The following FAM222A variants were observed in gnomAD, a reference collection of about 807,000 sequenced individuals.
The protein encoded by FAM222A is family with sequence similarity 222 member A.
In FAM222A, 7 loss-of-function variants were observed where a neutral mutation model predicts 25.8. That is an observed-to-expected ratio of 0.27 (90% CI 0.15 to 0.51). The LOEUF (loss-of-function observed/expected upper bound fraction) is 0.51. FAM222A is among the 20% of genes least tolerant of loss of function. The pLI, the probability that FAM222A is intolerant of heterozygous loss-of-function variation, is 0.97. For synonymous variants in FAM222A, 294 were observed against 298.8 expected, an observed-to-expected ratio of 0.98 and a Z score of 0.17; for missense variants, 573 against 640.5, an observed-to-expected ratio of 0.89 and a Z score of 1.14.
At chr12:109,763,474 A>G (rs902107766) in intron 2 of FAM222A, among the ~76,000 whole-genome samples, 2 of 152,146 alleles carry the variant, frequency 1.3e-5, no homozygotes, top group Admixed American at 1.3e-4. Context: ...CCAGGGCTGC[A>G]CTCTCATCCA....
At chr12:109,730,013 G>A (rs1887916365) in intron 1 of FAM222A, among the ~76,000 whole-genome samples, 1 of 152,180 alleles carries the variant, frequency 6.6e-6, no homozygotes, top group Non-Finnish European at 1.5e-5. Context: ...TCCCTGCCAT[G>A]ACCACCGCGC....
chr12:109,743,878 C>T, intron 1 of FAM222A: 1 of 985,442 alleles, frequency 1.0e-6, no homozygotes, highest in Non-Finnish European at 1.2e-6. Context: ...TCAGTCCAGC[C>T]CCCACTCAAG....
intron 2 of FAM222A, among the ~76,000 whole-genome samples, chr12:109,759,846 G>A (rs952619327): frequency 2.0e-5 from 3 of 152,214 alleles, no homozygotes; most frequent in East Asian, 1.9e-4. Flanking sequence ...AAGCACCTTC[G>A]GTGGTGGCAG....
intron 1 of FAM222A, among the ~76,000 whole-genome samples, chr12:109,724,606 C>A (rs989978141): frequency 1.3e-5 from 2 of 152,220 alleles, no homozygotes; most frequent in Admixed American, 1.3e-4. Flanking sequence ...TCACCTGAAG[C>A]AACCTGCCAG....
intron 2 of FAM222A, among the ~76,000 whole-genome samples, chr12:109,764,553 A>T (rs1028114282): frequency 1.3e-5 from 2 of 152,254 alleles, no homozygotes; most frequent in East Asian, 3.8e-4. Context: ...TGGTGAGGAC[A>T]AATGAGTTTT....
intron 1 of FAM222A, among the ~76,000 whole-genome samples, chr12:109,730,897 C>T (rs1044782732): frequency 2.0e-5 from 3 of 152,154 alleles, no homozygotes; most frequent in Non-Finnish European, 2.9e-5. Context: ...ATTGCTTCAC[C>T]CCTGAGCCCA....
chr12:109,758,987 C>T (rs866187075), intron 2 of FAM222A, among the ~76,000 whole-genome samples: 14 of 152,250 alleles, frequency 9.2e-5, no homozygotes, highest in South Asian at 2.1e-4. Flanking sequence ...CTTTCACTCT[C>T]CCCTCTCCTA....
chr12:109,743,484 A>G (rs964267675), intron 1 of FAM222A, among the ~76,000 whole-genome samples: 6 of 152,144 alleles, frequency 3.9e-5, no homozygotes, highest in Admixed American at 3.9e-4. Context: ...GGGTCAGGGC[A>G]GCCTTGATGG....
chr12:109,767,930 G>T, intron 2 of FAM222A, 82 bp from the exon 3 acceptor site: 2 of 1,337,456 alleles, frequency 1.5e-6, no homozygotes, highest in Non-Finnish European at 2.1e-6. Context: ...GAAATGAGTG[G>T]AGGGGGCGGG....
At chr12:109,718,682 G>A (rs567939306) in intron 1 of FAM222A, among the ~76,000 whole-genome samples, 1 of 152,372 alleles carries the variant, frequency 6.6e-6, no homozygotes, top group East Asian at 1.9e-4. Flanking sequence ...GAGGGCTGCG[G>A]TGCCGGCCGG....
chr12:109,754,589 A>T (rs951085543), intron 2 of FAM222A, among the ~76,000 whole-genome samples: 1 of 152,190 alleles, frequency 6.6e-6, no homozygotes, highest in African/African-American at 2.4e-5. Flanking sequence ...GAATGGGTGT[A>T]GCTGTGTTCC....
chr12:109,744,501 C>A, intron 2 of FAM222A: 1 of 985,430 alleles, frequency 1.0e-6, no homozygotes, highest in African/African-American at 1.7e-5. Flanking sequence ...CATGCCCCAA[C>A]CCCGCCTCTG....
Position 109,762,372 on chromosome 12 carries a change from G to A in FAM222A, c.83-5640G>A, listed in dbSNP as rs1888922366. On this transcript the variant is annotated intron_variant, in intron 2 of 2. Coordinates refer to ENST00000538780, the MANE Select transcript of FAM222A (RefSeq NM_032829.3). ...CAGAACGCAGTGGCCAGGTTCCAAGGATGGAGGTCCCAAGAGAACATATTC... is the reference window on the plus strand; with the variant it reads ...CAGAACGCAGTGGCCAGGTTCCAAGAATGGAGGTCCCAAGAGAACATATTC... Among the ~76,000 whole-genome samples, 4 of 152,320 alleles carry A rather than the reference G, an allele frequency of 2.6e-5. No homozygotes were observed. In the South Asian group the frequency reaches 8.3e-4, roughly 32 times the overall value.
chr12:109,719,965 C>A, intron 1 of FAM222A: 1 of 411,840 alleles, frequency 2.4e-6, no homozygotes, highest in Non-Finnish European at 3.3e-6. Flanking sequence ...TGGCTGTGTC[C>A]TCAGAGAAAT....
chr12:109,755,189 C>T (rs2136366736), intron 2 of FAM222A, among the ~76,000 whole-genome samples: 1 of 149,884 alleles, frequency 6.7e-6, no homozygotes, highest in African/African-American at 2.5e-5. Flanking sequence ...GTGTTTTTGT[C>T]TAAGAAGGCT....
chr12:109,748,716 T>A (rs1435648357), intron 2 of FAM222A, among the ~76,000 whole-genome samples: 2 of 152,160 alleles, frequency 1.3e-5, no homozygotes, highest in Non-Finnish European at 2.9e-5. Context: ...CCCTTATTTC[T>A]TATATTGTAT....
chr12:109,735,330 CCTCT>C (rs1362274399), intron 1 of FAM222A, among the ~76,000 whole-genome samples: 1 of 152,254 alleles, frequency 6.6e-6, no homozygotes, highest in African/African-American at 2.4e-5. Context: ...AGCTCCCTTC[CCTCT>C]CTGTTTCCTC....
chr12:109,764,221 T>TAAAAAAAAA (rs1565847960), intron 2 of FAM222A, among the ~76,000 whole-genome samples: 3 of 9,880 alleles, frequency 3.0e-4, no homozygotes. Flanking sequence ...GACCCTGTCT[T>TAAAAAAAAA]CAAAAAAAAA....
chr12:109,731,928 G>A (rs1887956238), intron 1 of FAM222A, among the ~76,000 whole-genome samples: 1 of 152,202 alleles, frequency 6.6e-6, no homozygotes, highest in Admixed American at 6.5e-5. Context: ...TGTATGTCTG[G>A]CCTTGGAGTA....
Sources: allele counts gnomAD v4.1 joint callset (sites outside exome capture counted in the v4.1 genomes callset), GRCh38; gene constraint gnomAD v4.1.1; transcripts MANE v1.5; gene names NCBI Gene and HGNC (gene_info 2026-07-23, HGNC 2026-07-21).